Variants in ARAP2 observed in about 807,000 individuals in gnomAD.
The protein encoded by ARAP2 is arf-GAP with Rho-GAP domain, ANK repeat and PH domain-containing protein 2.
A neutral mutation model predicts 194.5 loss-of-function variants in ARAP2; 148 were observed. The ratio of observed to expected loss-of-function variants is 0.76; its 90% CI spans 0.67 to 0.87. The LOEUF (loss-of-function observed/expected upper bound fraction) is 0.87, where lower values mean the gene tolerates loss of function less well. Ranked by LOEUF, ARAP2 falls within the 40% of genes least tolerant of loss-of-function variation. ARAP2 has a pLI of 0.00. For missense variants in ARAP2, 2,128 were observed against 1,989.7 expected (o/e 1.07, Z -1.32); for synonymous variants, 695 against 683.5 (o/e 1.02, Z -0.26).
chr4:36,096,659 T>A (rs998988142), intron 27 of ARAP2, among the ~76,000 whole-genome samples: 2 of 152,140 alleles, frequency 1.3e-5, no homozygotes, highest in Non-Finnish European at 1.5e-5. Context: ...CCTCAGACAG[T>A]ATTTTATTGA....
chr4:36,064,886 A>G (rs1399783731), downstream of ARAP2, among the ~76,000 whole-genome samples: 1 of 152,218 alleles, frequency 6.6e-6, no homozygotes, highest in African/African-American at 2.4e-5. Flanking sequence ...AAGAGAATAG[A>G]AAGGGTGGAG....
intron 16 of ARAP2, among the ~76,000 whole-genome samples, chr4:36,150,164 T>C (rs151175663): frequency 0.015 from 2,227 of 152,322 alleles, 46 homozygotes; most frequent in African/African-American, 0.05. Context: ...AATTTAGCAT[T>C]TCAATATGCT....
chr4:36,120,784 C>G (rs1722484375), intron 23 of ARAP2, among the ~76,000 whole-genome samples: 1 of 151,478 alleles, frequency 6.6e-6, no homozygotes, highest in Non-Finnish European at 1.5e-5. Flanking sequence ...CAACTGGGGA[C>G]ACAACTAAAA....
chr4:36,157,508 A>ACTGT (rs1463961467), intron 15 of ARAP2: 1 of 152,222 alleles, frequency 6.6e-6, no homozygotes, highest in Non-Finnish European at 1.5e-5. Context: ...CGGCCATTCT[A>ACTGT]CTGTCATCTG....
At chr4:36,062,619 G>A (rs546963400), downstream of ARAP2, among the ~76,000 whole-genome samples, 41 of 145,210 alleles carry the variant, frequency 2.8e-4, no homozygotes, top group African/African-American at 1.0e-3. Flanking sequence ...TACCTGGCTC[G>A]TAATTTGTGT....
At chr4:36,050,051 G>C (rs1722414444) in intron 3 of ARAP2, among the ~76,000 whole-genome samples, 1 of 152,178 alleles carries the variant, frequency 6.6e-6, no homozygotes, top group Non-Finnish European at 1.5e-5. Flanking sequence ...TCAATAGAAA[G>C]AGGTTTTTAT....
At chr4:36,064,363 AACAC>A (rs1725033516), downstream of ARAP2, among the ~76,000 whole-genome samples, 1 of 152,112 alleles carries the variant, frequency 6.6e-6, no homozygotes, top group Non-Finnish European at 1.5e-5. Context: ...CCAAAGTCTC[AACAC>A]AGGTTCTGGG....
intron 14 of ARAP2, 25 bp from the exon 15 acceptor site, chr4:36,158,889 A>T (rs768454618): frequency 3.8e-6 from 6 of 1,566,350 alleles, no homozygotes; most frequent in South Asian, 1.2e-5. Context: ...GAAATAAGGC[A>T]CAAGAAATCT....
chr4:36,102,036 A>C (rs13151864), intron 27 of ARAP2, among the ~76,000 whole-genome samples: 117,387 of 151,882 alleles, frequency 0.77, 47,709 homozygotes, highest in South Asian at 0.92. Context: ...CTCTTTTGCT[A>C]CATCTGTTCT....
At chr4:36,114,789 A>G (rs560518907) in intron 25 of ARAP2, among the ~76,000 whole-genome samples, 32 of 152,120 alleles carry the variant, frequency 2.1e-4, no homozygotes, top group Admixed American at 9.8e-4. Context: ...GGGATACCAA[A>G]GTATGCTGGA....
intron 5 of ARAP2, among the ~76,000 whole-genome samples, chr4:36,035,951 G>T (rs1164448676): frequency 2.6e-5 from 4 of 152,002 alleles, no homozygotes; most frequent in African/African-American, 9.7e-5. Context: ...TGATGATTTT[G>T]CAGAGTCTGT....
At chr4:36,032,480 G>A (rs1719150261) in intron 5 of ARAP2, among the ~76,000 whole-genome samples, 1 of 152,016 alleles carries the variant, frequency 6.6e-6, no homozygotes, top group Non-Finnish European at 1.5e-5. Flanking sequence ...AAATGCTATA[G>A]GTAAATGAAA....
At chr4:36,142,346 T>A (rs909276673) in intron 19 of ARAP2, among the ~76,000 whole-genome samples, 1 of 151,650 alleles carries the variant, frequency 6.6e-6, no homozygotes, top group East Asian at 1.9e-4. Flanking sequence ...TTTAAACTTG[T>A]GTAAGTTTAA....
intron 9 of ARAP2, among the ~76,000 whole-genome samples, chr4:36,007,983 C>G (rs1383193956): frequency 6.6e-6 from 1 of 151,586 alleles, no homozygotes; most frequent in African/African-American, 2.4e-5. Context: ...ATACAGATAA[C>G]CAAAGAGGTA....
At chr4:36,094,163 T>G (rs1411035714) in intron 27 of ARAP2, among the ~76,000 whole-genome samples, 1 of 152,178 alleles carries the variant, frequency 6.6e-6, no homozygotes, top group Non-Finnish European at 1.5e-5. Context: ...ATATGGCCCA[T>G]GAGCTAAGAA....
chr4:36,187,461 T>A lies in ARAP2; in HGVS notation c.1668A>T (p.Val556=). ...AATAAATAATCTCACCTTCTTTTTC[T>A]ACTCTAAAAACAAAAGTTCTTTGTG... ...VTTQRTFVFR[V]EKEEERNDWI... is the part of the protein sequence containing the mutation. The change falls in exon 8 of 33, where the codon GTA becomes GTT. Residue 556 remains valine (V), a synonymous_variant. Coordinates refer to ENST00000303965, the MANE Select transcript of ARAP2 (RefSeq NM_015230.4). 7.0e-7 allele frequency: 1 copy of A among 1,424,268 alleles called. No individual in the cohort carries two copies. Among genetic ancestry groups the A allele is most frequent in the Non-Finnish European group, 9.5e-7 (1 of 1,052,994 alleles). 88.2% of individuals were successfully genotyped at this position (1,424,268 alleles called of 1,614,324 possible).
intron 8 of ARAP2, among the ~76,000 whole-genome samples, chr4:36,179,952 T>C (rs1738840571): frequency 6.6e-6 from 1 of 152,242 alleles, no homozygotes; most frequent in South Asian, 2.1e-4. Flanking sequence ...AGTGCTTTAT[T>C]GCAGGTGTTA....
In ARAP2 at chr4:36,107,807, C is replaced by T. The variant is rs915596135; in HGVS notation, c.4157-114G>A. On this transcript the variant is annotated intron_variant, in intron 26 of 32. Transcript: ENST00000303965. ...GAAAACATCTGTAGGCAACATTATA[C>T]ACAATCATATCTTATGTTATATTAT... 9.4e-5 allele frequency: 87 copies of T among 924,846 alleles called. 1 individual carries two copies. The highest frequency in any genetic ancestry group is 2.9e-4 in the African/African-American group (15 of 51,488). The allele number at this position is 924,846 out of a possible 1,614,324, so 57.3% of individuals were successfully genotyped here.
intron 19 of ARAP2, 130 bp downstream of exon 19, chr4:36,147,166 A>T: frequency 1.4e-6 from 1 of 704,498 alleles, no homozygotes; most frequent in Non-Finnish European, 2.4e-6. Flanking sequence ...CTATATATGT[A>T]TATTTATATG....
Sources: gnomAD v4.1 joint callset for allele counts (sites outside exome capture counted in the v4.1 genomes callset) on GRCh38, gnomAD v4.1.1 for gene constraint, MANE v1.5 for transcripts, NCBI Gene and HGNC (gene_info 2026-07-23, HGNC 2026-07-21) for gene names.